RASA2: variants seen among roughly 807,000 people sequenced by gnomAD.
RASA2 encodes RAS p21 protein activator 2.
Under a neutral mutation model 118.2 loss-of-function variants are expected in RASA2, and 155 were observed. The observed-to-expected ratio is 1.31, with a 90% confidence interval of 1.15 to 1.50. The LOEUF (loss-of-function observed/expected upper bound fraction) is 1.50, where lower values mean the gene tolerates loss of function less well. Ranked by LOEUF, RASA2 falls within the 40% of genes most tolerant of loss-of-function variation. RASA2 has a pLI of 0.00. For missense variants in RASA2, 1,016 were observed against 1,009.6 expected, an observed-to-expected ratio of 1.01 and a Z score of -0.09; for synonymous variants, 353 against 349.1, an observed-to-expected ratio of 1.01 and a Z score of -0.12.
rs559634060 is a variant in RASA2 at position 141,520,011 on chromosome 3, C to CTT, written c.355+3599_355+3600dup. Among the ~76,000 whole-genome samples, 758 of 109,732 alleles carry CTT rather than the reference C, an allele frequency of 6.9e-3. 20 individuals are homozygous for CTT. The highest frequency in any genetic ancestry group is 0.018 in the African/African-American group (514 of 27,788). 72.0% of individuals were successfully genotyped at this position (109,732 alleles called of 152,430 possible). A position where few individuals can be genotyped will look rare whatever the true frequency, so the allele number is the denominator to read the frequency against. On this transcript the variant is annotated intron_variant, in intron 3 of 23. Coordinates refer to ENST00000286364, the MANE Select transcript of RASA2 (RefSeq NM_006506.5). Reference sequence around the variant, plus strand: ...CAATTTCTTTTCTTTTTCTTTTTCTCTTTTTTTTTTTTTTTTTTTTGAGAT... The same window carrying CTT: ...CAATTTCTTTTCTTTTTCTTTTTCTCTTTTTTTTTTTTTTTTTTTTTTGAGAT...
intron 9 of RASA2, among the ~76,000 whole-genome samples, chr3:141,570,411 G>T (rs916009136): frequency 6.6e-6 from 1 of 151,976 alleles, no homozygotes; most frequent in Non-Finnish European, 1.5e-5. Flanking sequence ...GTAAAGACAG[G>T]GTTTCACCAT....
chr3:141,580,082 AAAAATATATAT>A (rs1446368828), intron 15 of RASA2, among the ~76,000 whole-genome samples: 6 of 101,406 alleles, frequency 5.9e-5, no homozygotes, highest in African/African-American at 1.2e-4. Context: ...AAAAAAAAAA[AAAAATATATAT>A]ATATATATAT....
intron 19 of RASA2, among the ~76,000 whole-genome samples, chr3:141,604,265 G>GT (rs2083512863): frequency 6.6e-6 from 1 of 151,874 alleles, no homozygotes; most frequent in Non-Finnish European, 1.5e-5. Flanking sequence ...AGTCTTTTCT[G>GT]TTTCTTGGGT....
At chr3:141,602,012 A>G (rs1453249727) in intron 19 of RASA2, among the ~76,000 whole-genome samples, 5 of 152,162 alleles carry the variant, frequency 3.3e-5, no homozygotes, top group African/African-American at 4.8e-5. Context: ...GAGCCTATAT[A>G]TGTTCAGTTG....
At chr3:141,579,688 G>A (rs2083070874) in intron 15 of RASA2, among the ~76,000 whole-genome samples, 1 of 152,126 alleles carries the variant, frequency 6.6e-6, no homozygotes, top group Non-Finnish European at 1.5e-5. Flanking sequence ...GACTATTCCA[G>A]AAGTGACTAT....
intron 5 of RASA2, among the ~76,000 whole-genome samples, chr3:141,546,962 C>A (rs538662703): frequency 6.6e-6 from 1 of 152,204 alleles, no homozygotes; most frequent in South Asian, 2.1e-4. Context: ...ACTGTCCTTT[C>A]CCCAGTGTAT....
chr3:141,591,516 A>G (rs1384058939), intron 19 of RASA2, among the ~76,000 whole-genome samples: 1 of 152,166 alleles, frequency 6.6e-6, no homozygotes, highest in African/African-American at 2.4e-5. Flanking sequence ...TAGTGGCATA[A>G]AGGCATATAG....
intron 19 of RASA2, among the ~76,000 whole-genome samples, chr3:141,599,864 GA>G (rs2083437515): frequency 6.6e-6 from 1 of 152,148 alleles, no homozygotes; most frequent in Non-Finnish European, 1.5e-5. Context: ...GTAAGGGAGG[GA>G]ATGTAGAAAT....
chr3:141,506,940 A>G (rs2081878178), intron 1 of RASA2, among the ~76,000 whole-genome samples: 1 of 151,526 alleles, frequency 6.6e-6, no homozygotes, highest in Non-Finnish European at 1.5e-5. Context: ...AAAGAAAAAG[A>G]AAAAAGAATT....
chr3:141,578,241 A>AT (rs2083044262), intron 15 of RASA2, among the ~76,000 whole-genome samples: 1 of 152,180 alleles, frequency 6.6e-6, no homozygotes, highest in African/African-American at 2.4e-5. Flanking sequence ...ATCATACTCG[A>AT]TTTGAATTGG....
intron 5 of RASA2, among the ~76,000 whole-genome samples, chr3:141,550,535 G>A (rs2082558873): frequency 6.6e-6 from 1 of 152,318 alleles, no homozygotes; most frequent in East Asian, 1.9e-4. Flanking sequence ...CAGTAATTCT[G>A]CTGTGGTTCT....
Position 141,613,881 on chromosome 3 carries a change from G to C in RASA2, c.*1568G>C, listed in dbSNP as rs1004314752. On this transcript the variant is annotated 3_prime_UTR_variant, in exon 24 of 24. Transcript: ENST00000286364. Reference sequence around the variant, plus strand: ...GAATTATGTTTAAGTCTGCATTATGGTAGGTTATTACTCCCAGCTCATTTT... The same window carrying C: ...GAATTATGTTTAAGTCTGCATTATGCTAGGTTATTACTCCCAGCTCATTTT... The C allele has an allele frequency of 2.0e-5, 3 of 152,036 alleles. No homozygotes were observed. Among genetic ancestry groups the C allele is most frequent in the African/African-American group, 4.8e-5 (2 of 41,374 alleles). 9.4% of individuals were successfully genotyped at this position (152,036 alleles called of 1,614,324 possible).
chr3:141,598,761 A>C (rs28756202), intron 19 of RASA2, among the ~76,000 whole-genome samples: 29 of 152,028 alleles, frequency 1.9e-4, no homozygotes, highest in African/African-American at 2.9e-4. Context: ...GTTCCCCCCC[A>C]AAAAAACCCT....
intron 9 of RASA2, among the ~76,000 whole-genome samples, chr3:141,560,285 A>G (rs551538117): frequency 7.2e-5 from 11 of 152,302 alleles, no homozygotes; most frequent in South Asian, 6.2e-4. Context: ...ACATTACATA[A>G]GAGTTGTTCA....
At chr3:141,517,952 G>A (rs1381899758) in intron 3 of RASA2, among the ~76,000 whole-genome samples, 1 of 152,030 alleles carries the variant, frequency 6.6e-6, no homozygotes, top group Admixed American at 6.5e-5. Context: ...ACTGCTCCCG[G>A]CCAATAAATA....
Position 141,558,884 on chromosome 3 carries a change from A to G in RASA2, c.685-2A>G. On this transcript the variant is annotated splice_acceptor_variant, in intron 7 of 23. Transcript: ENST00000286364. LOFTEE classifies it high-confidence loss of function. Reference sequence around the variant, plus strand: ...ATTTTTACTAAAATATTTTGTTTACAGGTAACCAGATCCAGTAGTTACACC... The same window carrying G: ...ATTTTTACTAAAATATTTTGTTTACGGGTAACCAGATCCAGTAGTTACACC... 2 of 1,589,472 alleles carry G rather than the reference A, an allele frequency of 1.3e-6. No individual in the cohort carries two copies. The highest frequency in any genetic ancestry group is 1.7e-6 in the Non-Finnish European group (2 of 1,159,398).
At chr3:141,531,715 T>TG (rs1005409084) in intron 4 of RASA2, among the ~76,000 whole-genome samples, 1 of 152,050 alleles carries the variant, frequency 6.6e-6, no homozygotes, top group Non-Finnish European at 1.5e-5. Flanking sequence ...TTGTCTTAAA[T>TG]GATACTTACT....
At chr3:141,499,773 GT>G (rs758824893) in intron 1 of RASA2, among the ~76,000 whole-genome samples, 22 of 152,072 alleles carry the variant, frequency 1.4e-4, no homozygotes, top group Non-Finnish European at 3.1e-4. Context: ...TAATTTTTGT[GT>G]TTTTAGTAGA....
chr3:141,539,587 A>G (rs1031566904), intron 4 of RASA2, among the ~76,000 whole-genome samples: 30 of 152,260 alleles, frequency 2.0e-4, no homozygotes, highest in African/African-American at 6.7e-4. Flanking sequence ...TAATGAAATC[A>G]CTCACGTCAT....
Sources: allele counts gnomAD v4.1 joint callset (sites outside exome capture counted in the v4.1 genomes callset), GRCh38; gene constraint gnomAD v4.1.1; transcripts MANE v1.5; gene names NCBI Gene and HGNC (gene_info 2026-07-23, HGNC 2026-07-21).